The following CNTNAP5 variants were observed in gnomAD, a reference collection of about 807,000 sequenced individuals.
CNTNAP5 encodes the protein contactin associated protein family member 5, also known as contactin-associated protein-like 5.
Under a neutral mutation model 150.2 loss-of-function variants are expected in CNTNAP5, and 72 were observed. The observed-to-expected ratio is 0.48, with a 90% CI of 0.40 to 0.58. CNTNAP5 has a LOEUF of 0.58. CNTNAP5 is among the 20% of genes least tolerant of loss of function. The pLI is 0.00. For missense variants in CNTNAP5, 1,636 were observed against 1,626.2 expected, an observed-to-expected ratio of 1.01 and a Z score of -0.10; for synonymous variants, 672 against 619.8, an observed-to-expected ratio of 1.08 and a Z score of -1.25.
At chr2:124,514,666 C>G (rs1171573855) in intron 8 of CNTNAP5, among the ~76,000 whole-genome samples, 1 of 152,004 alleles carries the variant, frequency 6.6e-6, no homozygotes, top group Non-Finnish European at 1.5e-5. Flanking sequence ...TGGGAAGAGG[C>G]AGCTGGATAG....
intron 13 of CNTNAP5, among the ~76,000 whole-genome samples, chr2:124,733,801 G>T (rs948293493): frequency 6.6e-6 from 1 of 152,198 alleles, no homozygotes; most frequent in African/African-American, 2.4e-5. Flanking sequence ...TTGCAGTGAT[G>T]TGCAGGCAGG....
chr2:124,048,340 C>G (rs1253915841), intron 1 of CNTNAP5, among the ~76,000 whole-genome samples: 1 of 152,102 alleles, frequency 6.6e-6, no homozygotes, highest in East Asian at 1.9e-4. Flanking sequence ...TCTTTTCTTC[C>G]TCGTATATTT....
At chr2:124,739,398 A>G (rs559257142) in intron 13 of CNTNAP5, among the ~76,000 whole-genome samples, 3 of 152,250 alleles carry the variant, frequency 2.0e-5, no homozygotes, top group East Asian at 1.9e-4. Flanking sequence ...ACGGTATTCT[A>G]TTTAGAAAGA....
chr2:124,457,053 A>C lies in CNTNAP5; in HGVS notation c.918+10116A>C, dbSNP rs142197570. On this transcript the variant is annotated intron_variant, in intron 6 of 23. Transcript: ENST00000682447. ...CAAAAAGTAAATGTAATTTAAACAA[A>C]GATAAATAGCTGGAACTTAATTAAA... Among the ~76,000 whole-genome samples, 1,183 of 152,346 alleles carry C rather than the reference A, an allele frequency of 7.8e-3. 18 individuals are homozygous for C. Among genetic ancestry groups the C allele is most frequent in the African/African-American group, 0.027 (1,109 of 41,584 alleles).
intron 19 of CNTNAP5, among the ~76,000 whole-genome samples, chr2:124,808,386 G>A (rs1201669925): frequency 1.3e-5 from 2 of 151,996 alleles, no homozygotes; most frequent in South Asian, 2.1e-4. Context: ...TCAGGAGTTC[G>A]AGACCAGCCT....
At chr2:124,365,153 T>C (rs535403624) in intron 3 of CNTNAP5, among the ~76,000 whole-genome samples, 1 of 151,856 alleles carries the variant, frequency 6.6e-6, no homozygotes, top group South Asian at 2.1e-4. Context: ...TCTACAAAAA[T>C]AAAATGAAAT....
intron 1 of CNTNAP5, among the ~76,000 whole-genome samples, chr2:124,158,530 A>AT (rs939307098): frequency 6.6e-5 from 10 of 152,094 alleles, no homozygotes; most frequent in Middle Eastern, 3.4e-3. Context: ...AAATTTGTGG[A>AT]TTTTTTCCCC....
At chr2:124,209,999 C>T (rs888209029) in intron 1 of CNTNAP5, among the ~76,000 whole-genome samples, 6 of 152,024 alleles carry the variant, frequency 3.9e-5, no homozygotes, top group South Asian at 2.1e-4. Context: ...GAGAAATAAG[C>T]GGTGCCAGAA....
intron 2 of CNTNAP5, among the ~76,000 whole-genome samples, chr2:124,231,919 A>G (rs1285938193): frequency 6.6e-6 from 1 of 152,160 alleles, no homozygotes; most frequent in Non-Finnish European, 1.5e-5. Context: ...GTTACTGGCT[A>G]CTAATCAAAA....
chr2:124,150,307 C>T (rs1479536927), intron 1 of CNTNAP5, among the ~76,000 whole-genome samples: 1 of 152,166 alleles, frequency 6.6e-6, no homozygotes, highest in African/African-American at 2.4e-5. Context: ...GTGTATATCC[C>T]AGCCTCTGTT....
chr2:124,824,723 A>G (rs1484322582), intron 19 of CNTNAP5, among the ~76,000 whole-genome samples: 1 of 152,232 alleles, frequency 6.6e-6, no homozygotes, highest in Non-Finnish European at 1.5e-5. Flanking sequence ...CACGATCAGT[A>G]GTGTCTGCCT....
chr2:124,504,533 A>C lies in CNTNAP5; in HGVS notation c.1304A>C (p.Glu435Ala). The C allele has an allele frequency of 6.2e-7, 1 of 1,613,756 alleles. No individual in the cohort carries two copies. Among genetic ancestry groups the C allele is most frequent in the Non-Finnish European group, 8.5e-7 (1 of 1,179,834 alleles). Reference sequence around the variant, plus strand: ...AGACTCGTGATTCAGAAAATGACAGAACGCGTAGCTGAAATCCTCACAGGT... The same window carrying C: ...AGACTCGTGATTCAGAAAATGACAGCACGCGTAGCTGAAATCCTCACAGGT... ...ILRLVIQKMT[E>A]RVAEILTGSN... The change falls in exon 8 of 24, where the codon GAA (glutamate) becomes GCA (alanine). Residue 435 changes from glutamate (E) to alanine (A), a missense_variant. Physicochemically the swap from Glu to Ala is moderately radical, Grantham distance 107 (BLOSUM62 -1). Transcript: ENST00000682447.
chr2:124,048,929 G>A (rs1265362775), intron 1 of CNTNAP5, among the ~76,000 whole-genome samples: 2 of 152,156 alleles, frequency 1.3e-5, no homozygotes, highest in African/African-American at 4.8e-5. Context: ...AATACGTTAG[G>A]TTACATCAAA....
chr2:124,094,585 C>T (rs1040945955), intron 1 of CNTNAP5, among the ~76,000 whole-genome samples: 8 of 152,124 alleles, frequency 5.3e-5, no homozygotes, highest in Non-Finnish European at 1.2e-4. Context: ...TAGATAGACT[C>T]AAAGTTTCAT....
At chr2:124,103,627 G>C (rs1683110811) in intron 1 of CNTNAP5, among the ~76,000 whole-genome samples, 1 of 152,008 alleles carries the variant, frequency 6.6e-6, no homozygotes, top group Admixed American at 6.6e-5. Flanking sequence ...ATGGTGTATA[G>C]GTTTGTAGCC....
intron 11 of CNTNAP5, among the ~76,000 whole-genome samples, chr2:124,579,597 T>C (rs1696366380): frequency 6.6e-6 from 1 of 152,242 alleles, no homozygotes; most frequent in Admixed American, 6.5e-5. Context: ...CCGATAGTCA[T>C]AATAGTAGTC....
chr2:124,655,686 A>G (rs1322930630), intron 13 of CNTNAP5, among the ~76,000 whole-genome samples: 1 of 151,820 alleles, frequency 6.6e-6, no homozygotes. Context: ...TGGCTTGAGA[A>G]CAGGAGTTGG....
chr2:124,236,593 C>A, intron 2 of CNTNAP5, among the ~76,000 whole-genome samples: 1 of 152,168 alleles, frequency 6.6e-6, no homozygotes, highest in East Asian at 1.9e-4. Context: ...TATTCATTAC[C>A]ATTACCAGGT....
chr2:124,763,934 A>G (rs943817540), intron 15 of CNTNAP5, 43 bp from the exon 16 acceptor site: 3 of 1,601,406 alleles, frequency 1.9e-6, no homozygotes, highest in African/African-American at 2.7e-5. Flanking sequence ...CCCATACCCC[A>G]CTGAAAACGA....
Sources: gnomAD v4.1 joint callset for allele counts (sites outside exome capture counted in the v4.1 genomes callset) on GRCh38, gnomAD v4.1.1 for gene constraint, MANE v1.5 for transcripts, NCBI Gene and HGNC (gene_info 2026-07-23, HGNC 2026-07-21) for gene names.